The following MAPK8IP3 variants were observed in gnomAD, a reference collection of about 807,000 sequenced individuals.
MAPK8IP3 encodes mitogen-activated protein kinase 8 interacting protein 3.
A neutral mutation model predicts 157.8 loss-of-function variants in MAPK8IP3; 49 were observed. That is an observed-to-expected ratio of 0.31 (90% CI 0.25 to 0.39). The LOEUF is 0.39. Among genes scored for constraint, MAPK8IP3 ranks in the 10% least tolerant of loss-of-function variants. The pLI, the probability that MAPK8IP3 is intolerant of heterozygous loss-of-function variation, is 1.00. For missense variants in MAPK8IP3, 1,478 were observed against 1,889.4 expected (o/e 0.78, Z 4.04); for synonymous variants, 897 against 777.7 (o/e 1.15, Z -2.55).
intron 4 of MAPK8IP3, among the ~76,000 whole-genome samples, chr16:1,729,926 C>T (rs1433199046): frequency 6.6e-6 from 1 of 151,898 alleles, no homozygotes; most frequent in African/African-American, 2.4e-5. Context: ...TCTGTGACCT[C>T]AGCCGGGCAC....
In MAPK8IP3 at chr16:1,766,138, G is replaced by A; in HGVS notation, c.2625G>A (p.Gly875=). ...GGGACACCCCAGTGCTAGACAAGGG[G>A]CAGGGTGAGTCCTGGGCGAGTTTCC... ...SRGDTPVLDK[G]QGEVATIANG... The change falls in exon 21 of 32, where the codon GGG becomes GGA. Residue 875 remains glycine, a synonymous_variant. Coordinates refer to ENST00000610761, the MANE Select transcript of MAPK8IP3 (RefSeq NM_001318852.2). 10 of 1,609,768 alleles carry A rather than the reference G, an allele frequency of 6.2e-6. No individual in the cohort carries two copies. The highest frequency in any genetic ancestry group is 8.5e-6 in the Non-Finnish European group (10 of 1,177,874).
intron 4 of MAPK8IP3, among the ~76,000 whole-genome samples, chr16:1,730,888 C>T (rs563896389): frequency 6.7e-6 from 1 of 150,292 alleles, no homozygotes; most frequent in Non-Finnish European, 1.5e-5. Context: ...ACCTGTAATC[C>T]CGGCACTTTG....
chr16:1,762,602 C>A, intron 14 of MAPK8IP3, 73 bp from the exon 15 acceptor site: 2 of 1,547,720 alleles, frequency 1.3e-6, no homozygotes, highest in South Asian at 2.5e-5. Context: ...TGCTTCCTGG[C>A]GGGAGCCAGA....
chr16:1,730,361 T>C (rs1177748088), intron 4 of MAPK8IP3, among the ~76,000 whole-genome samples: 1 of 152,212 alleles, frequency 6.6e-6, no homozygotes, highest in Non-Finnish European at 1.5e-5. Context: ...CCCAGCACTT[T>C]GGGAGGCCGA....
At chr16:1,729,397 G>C in intron 3 of MAPK8IP3, 90 bp from the exon 4 acceptor site, 1 of 1,371,684 alleles carries the variant, frequency 7.3e-7, no homozygotes, top group South Asian at 1.2e-5. Context: ...ATTTCTGCCT[G>C]CACAGGGCAG....
At chr16:1,759,919 T>C (rs1309831217) in intron 10 of MAPK8IP3, 39 bp from the exon 11 acceptor site, 1 of 1,589,998 alleles carries the variant, frequency 6.3e-7, no homozygotes, top group East Asian at 2.2e-5. Context: ...TGACCTGTTT[T>C]GAAGGGCACA....
At chr16:1,733,745 C>T (rs1038232101) in intron 4 of MAPK8IP3, among the ~76,000 whole-genome samples, 2 of 152,330 alleles carry the variant, frequency 1.3e-5, no homozygotes, top group East Asian at 1.9e-4. Context: ...TGCCACGGCT[C>T]CTGAAGGCTA....
In MAPK8IP3 at chr16:1,743,663, C is replaced by G; in HGVS notation, c.747+187C>G. The G allele has an allele frequency of 7.0e-7, 1 of 1,423,438 alleles. No homozygotes were observed. The highest frequency in any genetic ancestry group is 9.1e-7 in the Non-Finnish European group (1 of 1,097,076). 88.2% of individuals were successfully genotyped at this position (1,423,438 alleles called of 1,614,324 possible). ...AGGGGCTCAGGCTGCCCAGCAGGCC[C>G]TGTGTGGCTGTGGCTGTTCCACGCG... On this transcript the variant is annotated intron_variant, in intron 5 of 31. Transcript: ENST00000610761. The surrounding 1 kb of genome is among the most constrained non-coding windows in gnomAD (Gnocchi z 5.6).
chr16:1,752,764 AAAAGAG>A (rs2041366793), intron 8 of MAPK8IP3, among the ~76,000 whole-genome samples: 1 of 151,804 alleles, frequency 6.6e-6, no homozygotes, highest in Non-Finnish European at 1.5e-5. Context: ...AAAAAAAAAA[AAAAGAG>A]AGAAGGAAAA....
intron 5 of MAPK8IP3, chr16:1,744,548 G>C (rs960489697): frequency 2.0e-6 from 2 of 985,448 alleles, no homozygotes; most frequent in Admixed American, 6.1e-5. Context: ...CGGGCTCCCC[G>C]GGCCTTCTGG....
chr16:1,741,273 G>A lies in MAPK8IP3; in HGVS notation c.603-2059G>A, dbSNP rs2040660619. Among the ~76,000 whole-genome samples the A allele has an allele frequency of 6.6e-6, 1 of 152,224 alleles. No individual in the cohort carries two copies. Among genetic ancestry groups the A allele is most frequent in the African/African-American group, 2.4e-5 (1 of 41,456 alleles). On this transcript the variant is annotated intron_variant, in intron 4 of 31. Coordinates refer to ENST00000610761, the MANE Select transcript of MAPK8IP3 (RefSeq NM_001318852.2). The surrounding 1 kb of genome is among the most constrained non-coding windows in gnomAD (Gnocchi z 6.9). ...AGGGAGCTGCGAGGACAAATCGGGAGGACGGGGTCAGTCGGCAAACGCTCA... is the reference window on the plus strand; with the variant it reads ...AGGGAGCTGCGAGGACAAATCGGGAAGACGGGGTCAGTCGGCAAACGCTCA...
At chr16:1,767,972 G>T in intron 28 of MAPK8IP3, 54 bp downstream of exon 28, 2 of 1,607,900 alleles carry the variant, frequency 1.2e-6, no homozygotes. Context: ...GTGTACGTGG[G>T]TTCACGGGGT....
At chr16:1,760,266 T>C (rs2141917413) in intron 11 of MAPK8IP3, 114 bp from the exon 12 acceptor site, 1 of 1,393,048 alleles carries the variant, frequency 7.2e-7, no homozygotes, top group Non-Finnish European at 9.8e-7. Context: ...TTCAGCCACC[T>C]TCCTAACCAG....
intron 4 of MAPK8IP3, among the ~76,000 whole-genome samples, chr16:1,729,803 C>G (rs1255569885): frequency 2.0e-5 from 3 of 152,044 alleles, no homozygotes; most frequent in African/African-American, 7.2e-5. Flanking sequence ...GCCCGTGTGT[C>G]CCTTCTGCTC....
chr16:1,738,426 G>A (rs1486664834), intron 4 of MAPK8IP3, among the ~76,000 whole-genome samples: 1 of 90,548 alleles, frequency 1.1e-5, no homozygotes, highest in Non-Finnish European at 2.1e-5. Context: ...GCGTGTGACC[G>A]TGTGAGAGAG....
intron 28 of MAPK8IP3, 72 bp downstream of exon 28, chr16:1,767,990 C>T (rs1567214657): frequency 1.2e-6 from 2 of 1,608,888 alleles, no homozygotes; most frequent in South Asian, 1.1e-5. Context: ...GGTGGCTCTG[C>T]AGGGCCACCT....
In MAPK8IP3 at chr16:1,758,457, G is replaced by A. The variant is rs756634224; in HGVS notation, c.1228+298G>A. Among the ~76,000 whole-genome samples the A allele has an allele frequency of 1.3e-5, 2 of 152,176 alleles. 1 individual carries two copies. The stretch of plus-strand genomic sequence containing the variant: ...ACGGCAGTGACTGGACATGGCCAAG[G>A]CCAGCTCTGGGGCCTCCCCTGCTGT... On this transcript the variant is annotated intron_variant, in intron 9 of 31. Transcript: ENST00000610761.
At chr16:1,744,976 A>T in intron 5 of MAPK8IP3, 20 of 983,736 alleles carry the variant, frequency 2.0e-5, no homozygotes, top group Non-Finnish European at 2.3e-5. Context: ...CTGTATTTTC[A>T]GTGTTTTAAC....
At chr16:1,723,115 A>G (rs555692993) in intron 1 of MAPK8IP3, among the ~76,000 whole-genome samples, 5 of 150,754 alleles carry the variant, frequency 3.3e-5, no homozygotes, top group South Asian at 2.1e-4. Flanking sequence ...GCTCACTGCA[A>G]TCTCCACCTC....
Sources: gnomAD v4.1 joint callset for allele counts (sites outside exome capture counted in the v4.1 genomes callset) on GRCh38, gnomAD v4.1.1 for gene constraint, Gnocchi (gnomAD v3.1) non-coding constraint, MANE v1.5 for transcripts, NCBI Gene and HGNC (gene_info 2026-07-23, HGNC 2026-07-21) for gene names.